The following KCNN2 variants were observed in gnomAD, a reference collection of about 807,000 sequenced individuals.
KCNN2 encodes the protein small conductance calcium-activated potassium channel protein 2.
A neutral mutation model predicts 55.5 loss-of-function variants in KCNN2; 24 were observed. That is an observed-to-expected ratio of 0.43 (90% CI 0.31 to 0.61). The LOEUF is 0.61. Ranked by LOEUF, KCNN2 falls within the 20% of genes least tolerant of loss-of-function variation. KCNN2 has a pLI of 0.08. For synonymous variants in KCNN2, 431 were observed against 336.1 expected (o/e 1.28, Z -3.09); for missense variants, 754 against 853.6 (o/e 0.88, Z 1.45).
intron 7 of KCNN2, 140 bp downstream of exon 7, chr5:114,493,612 G>C (rs1747969069): frequency 1.5e-6 from 1 of 646,316 alleles, no homozygotes; most frequent in African/African-American, 1.8e-5. Context: ...TAAAATGATG[G>C]TCCAACTTAA....
intron 2 of KCNN2, among the ~76,000 whole-genome samples, chr5:114,271,418 C>T (rs4282304): frequency 0.9 from 136,561 of 152,176 alleles, 61,677 homozygotes; most frequent in East Asian, 0.94. Context: ...AAGTTCCCAC[C>T]CGACCCAGAA....
At chr5:114,444,652 C>T (rs1331679416) in intron 3 of KCNN2, among the ~76,000 whole-genome samples, 1 of 152,128 alleles carries the variant, frequency 6.6e-6, no homozygotes, top group Non-Finnish European at 1.5e-5. Flanking sequence ...GATTTGATTT[C>T]AGGCACCTTG....
At chr5:114,438,380 T>A (rs890096701) in intron 3 of KCNN2, among the ~76,000 whole-genome samples, 1 of 152,150 alleles carries the variant, frequency 6.6e-6, no homozygotes, top group Non-Finnish European at 1.5e-5. Flanking sequence ...TTTGGGAGGA[T>A]TATGATAGGG....
In KCNN2 at chr5:114,130,960, A is replaced by G. The variant is rs371416667; in HGVS notation, c.-271+74460A>G. Among the ~76,000 whole-genome samples, 102 of 152,354 alleles carry G rather than the reference A, an allele frequency of 6.7e-4. No homozygotes were observed. The South Asian group carries it at 0.02, about 30-fold the overall frequency. The stretch of plus-strand genomic sequence containing the variant: ...TTGGCCTGAGTCTGGGACAAACTTC[A>G]AACTATGGTAAATGAGCAAACACTT... On this transcript the variant is annotated intron_variant, in intron 1 of 10. Transcript: ENST00000512097.
At chr5:114,236,452 A>T (rs1486464702) in intron 2 of KCNN2, among the ~76,000 whole-genome samples, 1 of 152,094 alleles carries the variant, frequency 6.6e-6, no homozygotes, top group Non-Finnish European at 1.5e-5. Flanking sequence ...TCATATGCTC[A>T]TTGTTGATCC....
At chr5:114,279,408 G>A (rs1840981) in intron 2 of KCNN2, among the ~76,000 whole-genome samples, 16,412 of 151,678 alleles carry the variant, frequency 0.11, 988 homozygotes, top group African/African-American at 0.15. Context: ...CTGTTAACTC[G>A]TGATTTACAT....
At chr5:114,058,939 C>T (rs915608831) in intron 1 of KCNN2, among the ~76,000 whole-genome samples, 8 of 152,070 alleles carry the variant, frequency 5.3e-5, no homozygotes, top group East Asian at 3.9e-4. Flanking sequence ...GAGACCAGCT[C>T]GGGGGGTCAA....
At chr5:114,377,326 C>T (rs976938736) in intron 2 of KCNN2, among the ~76,000 whole-genome samples, 2 of 152,156 alleles carry the variant, frequency 1.3e-5, no homozygotes, top group Non-Finnish European at 1.5e-5. Context: ...TCCTAAGGGA[C>T]ATATTGAGGA....
intron 2 of KCNN2, among the ~76,000 whole-genome samples, chr5:114,403,683 A>G (rs914054874): frequency 4.8e-4 from 73 of 152,198 alleles, no homozygotes; most frequent in African/African-American, 1.7e-3. Flanking sequence ...TTTACTCTTT[A>G]TCTATATATC....
chr5:114,134,462 T>G (rs10068172), intron 1 of KCNN2, among the ~76,000 whole-genome samples: 1,625 of 58,660 alleles, frequency 0.028, 18 homozygotes, highest in Non-Finnish European at 0.049. Flanking sequence ...AACCATGATT[T>G]ATTTATTTAT....
rs796663219 is a variant in KCNN2 at position 114,452,897 on chromosome 5, T to C, written c.1638-10152T>C. On this transcript the variant is annotated intron_variant, in intron 3 of 7. Coordinates refer to ENST00000673685, the MANE Select transcript of KCNN2 (RefSeq NM_021614.4). Reference sequence around the variant, plus strand: ...TTGAATTTCTTTTTATGCTTATATGTTCTAATTAATTGAAGCAGTTATTTT... The same window carrying C: ...TTGAATTTCTTTTTATGCTTATATGCTCTAATTAATTGAAGCAGTTATTTT... 2.0e-5 allele frequency among the ~76,000 whole-genome samples: 3 copies of C among 152,230 alleles called. No individual in the cohort carries two copies. The South Asian group carries it at 6.2e-4, about 31-fold the overall frequency.
chr5:114,229,918 A>G (rs1470442454), intron 2 of KCNN2, among the ~76,000 whole-genome samples: 1 of 152,184 alleles, frequency 6.6e-6, no homozygotes, highest in Non-Finnish European at 1.5e-5. Flanking sequence ...CCTGCACTAG[A>G]TGCATTGTAC....
chr5:114,333,216 G>A (rs190257993), intron 2 of KCNN2, among the ~76,000 whole-genome samples: 343 of 152,310 alleles, frequency 2.3e-3, no homozygotes, highest in Middle Eastern at 6.8e-3. Flanking sequence ...CACGGGAGCC[G>A]GGAGGGCGGA....
intron 2 of KCNN2, among the ~76,000 whole-genome samples, chr5:114,335,085 G>A (rs1756897358): frequency 6.6e-6 from 1 of 152,060 alleles, no homozygotes; most frequent in Non-Finnish European, 1.5e-5. Context: ...CTCCACGCCC[G>A]GCTAATTTTT....
chr5:114,090,845 C>G (rs1328178141), intron 1 of KCNN2, among the ~76,000 whole-genome samples: 1 of 151,740 alleles, frequency 6.6e-6, no homozygotes, highest in Non-Finnish European at 1.5e-5. Context: ...GAATCTCTGC[C>G]CCCCACCCTT....
At chr5:114,245,349 T>A (rs1754728526) in intron 2 of KCNN2, among the ~76,000 whole-genome samples, 1 of 152,252 alleles carries the variant, frequency 6.6e-6, no homozygotes, top group African/African-American at 2.4e-5. Flanking sequence ...TATCTCTTCA[T>A]GCACATAACA....
At chr5:114,223,897 G>A (rs569910589) in intron 2 of KCNN2, among the ~76,000 whole-genome samples, 1 of 152,274 alleles carries the variant, frequency 6.6e-6, no homozygotes, top group South Asian at 2.1e-4. Context: ...AGCACCTGGG[G>A]CCTGTGAGGG....
intron 2 of KCNN2, among the ~76,000 whole-genome samples, chr5:114,341,651 T>A (rs948171279): frequency 1.3e-5 from 2 of 151,970 alleles, no homozygotes; most frequent in African/African-American, 4.8e-5. Flanking sequence ...TAAAAGAAAA[T>A]ATTTCTGATT....
chr5:114,089,191 T>A (rs772281134), intron 1 of KCNN2, among the ~76,000 whole-genome samples: 3 of 152,214 alleles, frequency 2.0e-5, no homozygotes, highest in Non-Finnish European at 2.9e-5. Flanking sequence ...TTGGATTTTG[T>A]TGTCTTCCTT....
Sources: gnomAD v4.1 joint callset for allele counts (sites outside exome capture counted in the v4.1 genomes callset) on GRCh38, gnomAD v4.1.1 for gene constraint, MANE v1.5 for transcripts, NCBI Gene and HGNC (gene_info 2026-07-23, HGNC 2026-07-21) for gene names.